Variants in FGF12 observed in about 807,000 individuals in gnomAD.
FGF12 encodes fibroblast growth factor 12B.
Under a neutral mutation model 23.6 loss-of-function variants are expected in FGF12, and 14 were observed. That is an observed-to-expected ratio of 0.59 (90% CI 0.39 to 0.93). FGF12 has a LOEUF of 0.93. Ranked by LOEUF, FGF12 falls within the 40% of genes least tolerant of loss-of-function variation. The probability of loss-of-function intolerance (pLI) is 0.00; values close to 1 mark genes in which losing one functional copy is unlikely to be tolerated. For missense variants in FGF12, 175 were observed against 217.8 expected (o/e 0.80, Z 1.24); for synonymous variants, 62 against 77.3 (o/e 0.80, Z 1.04).
chr3:192,629,838 C>A (rs1321382007), intron 2 of FGF12, among the ~76,000 whole-genome samples: 1 of 152,116 alleles, frequency 6.6e-6, no homozygotes, highest in Non-Finnish European at 1.5e-5. Flanking sequence ...GGGATCTGTC[C>A]GCGACTATTT....
chr3:192,171,156 G>GTAAC (rs1715538531), intron 4 of FGF12, among the ~76,000 whole-genome samples: 1 of 152,150 alleles, frequency 6.6e-6, no homozygotes, highest in South Asian at 2.1e-4. Context: ...CCTAAAGTCA[G>GTAAC]TAACTTCCTC....
chr3:192,628,023 A>G (rs989355012), intron 2 of FGF12, among the ~76,000 whole-genome samples: 5 of 152,048 alleles, frequency 3.3e-5, no homozygotes, highest in Non-Finnish European at 5.9e-5. Flanking sequence ...CTGATCTCTA[A>G]CCTCTGGAAA....
intron 2 of FGF12, among the ~76,000 whole-genome samples, chr3:192,411,168 C>A (rs1012100711): frequency 7.2e-5 from 11 of 152,126 alleles, no homozygotes; most frequent in Non-Finnish European, 1.6e-4. Context: ...TGAGCACAAA[C>A]CTATGGGCCT....
chr3:192,417,505 A>C (rs1001401339), intron 2 of FGF12, among the ~76,000 whole-genome samples: 8 of 152,126 alleles, frequency 5.3e-5, no homozygotes, highest in Non-Finnish European at 2.9e-5. Flanking sequence ...GCATGTGTTG[A>C]TTTTTAACTT....
At chr3:192,623,277 C>T (rs971730984) in intron 2 of FGF12, among the ~76,000 whole-genome samples, 8 of 152,100 alleles carry the variant, frequency 5.3e-5, no homozygotes, top group African/African-American at 1.9e-4. Flanking sequence ...TCTGATGAGA[C>T]AACAGAAAGT....
Position 192,360,554 on chromosome 3 carries a change from A to G in FGF12, c.14-16T>C, listed in dbSNP as rs967383960. On this transcript the variant is annotated splice_polypyrimidine_tract_variant and intron_variant, in intron 2 of 5. Coordinates refer to ENST00000445105, the MANE Select transcript of FGF12 (RefSeq NM_004113.6). This position sits in a 1 kb window ranked among gnomAD's most constrained non-coding sequence, Gnocchi z 4.3. ...AGCTGGGGTTCTGCAAAACAAAATA[A>G]TTATTCAAATTTTTATTTGGCTTAC... 2 of 1,571,088 alleles carry G rather than the reference A, an allele frequency of 1.3e-6. No individual in the cohort carries two copies. The highest frequency in any genetic ancestry group is 1.8e-6 in the Non-Finnish European group (2 of 1,141,044).
intron 2 of FGF12, among the ~76,000 whole-genome samples, chr3:192,653,187 T>A (rs1179392256): frequency 2.0e-5 from 3 of 152,240 alleles, no homozygotes; most frequent in Non-Finnish European, 4.4e-5. Flanking sequence ...GTCTTTGGGT[T>A]TGGCTTAAAA....
intron 2 of FGF12, among the ~76,000 whole-genome samples, chr3:192,420,686 C>T (rs1721498302): frequency 1.3e-5 from 2 of 152,254 alleles, no homozygotes; most frequent in Admixed American, 6.5e-5. Context: ...AAGCTCTCAC[C>T]AGAGACAGAT....
At chr3:192,234,506 T>C (rs192346172) in intron 4 of FGF12, among the ~76,000 whole-genome samples, 9 of 152,334 alleles carry the variant, frequency 5.9e-5, no homozygotes, top group Admixed American at 5.9e-4. Flanking sequence ...ACTCCCTCTC[T>C]TCCTATTTGG....
At chr3:192,725,480 G>C (rs140166508) in intron 2 of FGF12, among the ~76,000 whole-genome samples, 66 of 152,150 alleles carry the variant, frequency 4.3e-4, no homozygotes, top group African/African-American at 1.5e-3. Flanking sequence ...GAATTCAAAA[G>C]ACTGAAAGAA....
chr3:192,415,730 T>TA (rs1560104789), intron 2 of FGF12, among the ~76,000 whole-genome samples: 1 of 60,292 alleles, frequency 1.7e-5, no homozygotes, highest in Non-Finnish European at 3.4e-5. Context: ...TCTCTCTCTC[T>TA]CTCACACACA....
rs75621137 is a variant in FGF12 at position 192,584,609 on chromosome 3, A to G, written c.13+142572T>C. 5.7e-3 allele frequency among the ~76,000 whole-genome samples: 865 copies of G among 152,140 alleles called. 10 individuals are homozygous for G. Among genetic ancestry groups the G allele is most frequent in the African/African-American group, 0.019 (770 of 41,506 alleles). On this transcript the variant is annotated intron_variant, in intron 2 of 5. Transcript: ENST00000445105. ...CCAGAATGTCAGCCACATTTTCTAT[A>G]TTTATTTATCCTTCATCCCTGGCCT...
rs935608405 is a variant in FGF12 at position 192,344,009 on chromosome 3, T to C, written c.125-8545A>G. Among the ~76,000 whole-genome samples the C allele has an allele frequency of 1.7e-4, 15 of 89,972 alleles. No homozygotes were observed. In the East Asian group the frequency reaches 5.1e-3, roughly 31 times the overall value. The allele number at this position is 89,972 out of a possible 152,430, so 59.0% of individuals were successfully genotyped here. Reference sequence around the variant, plus strand: ...TCCAAGTAATTTAATGAGGTTGCAATTTTTTGAATTTCTGCAATCAGACCT... The same window carrying C: ...TCCAAGTAATTTAATGAGGTTGCAACTTTTTGAATTTCTGCAATCAGACCT... On this transcript the variant is annotated intron_variant, in intron 3 of 5. Transcript: ENST00000445105.
chr3:192,185,213 T>C (rs1451017893), intron 4 of FGF12, among the ~76,000 whole-genome samples: 1 of 152,230 alleles, frequency 6.6e-6, no homozygotes, highest in Non-Finnish European at 1.5e-5. Context: ...TCACTTTGTA[T>C]TACATATCAT....
At chr3:192,680,705 T>C (rs1312953047) in intron 2 of FGF12, among the ~76,000 whole-genome samples, 1 of 152,244 alleles carries the variant, frequency 6.6e-6, no homozygotes, top group Non-Finnish European at 1.5e-5. Flanking sequence ...CATCTACATT[T>C]ATAAATGAAT....
At chr3:192,582,359 T>TGG (rs1488190911) in intron 2 of FGF12, among the ~76,000 whole-genome samples, 1 of 152,170 alleles carries the variant, frequency 6.6e-6, no homozygotes, top group African/African-American at 2.4e-5. Flanking sequence ...GAACTCTAAC[T>TGG]GAAAGTTAGA....
chr3:192,420,133 G>A (rs2108783578), intron 2 of FGF12, among the ~76,000 whole-genome samples: 1 of 152,200 alleles, frequency 6.6e-6, no homozygotes, highest in East Asian at 1.9e-4. Flanking sequence ...CCAGTTTGGG[G>A]TAAGGCACCT....
rs902281525 is a variant in FGF12 at position 192,461,890 on chromosome 3, T to C, written c.14-101352A>G. 2.0e-5 allele frequency among the ~76,000 whole-genome samples: 3 copies of C among 151,954 alleles called. No homozygotes were observed. The East Asian group carries it at 5.8e-4, about 29-fold the overall frequency. On this transcript the variant is annotated intron_variant, in intron 2 of 5. Transcript: ENST00000445105. ...CTGTAATTCCAGCTACTCGGGAGGC[T>C]GAGGCAGGAGAATCGCTTGAACCCG...
intron 2 of FGF12, among the ~76,000 whole-genome samples, chr3:192,642,489 G>T: frequency 6.6e-6 from 1 of 152,206 alleles, no homozygotes; most frequent in Non-Finnish European, 1.5e-5. Context: ...CCTGTGCATG[G>T]TTATCTCTGG....
Sources: gnomAD v4.1 joint callset for allele counts (sites outside exome capture counted in the v4.1 genomes callset) on GRCh38, gnomAD v4.1.1 for gene constraint, Gnocchi (gnomAD v3.1) non-coding constraint, MANE v1.5 for transcripts, NCBI Gene and HGNC (gene_info 2026-07-23, HGNC 2026-07-21) for gene names.